Variants in CCDC50 observed in about 807,000 individuals in gnomAD.
CCDC50 encodes coiled-coil domain containing 50.
Under a neutral mutation model 70.2 loss-of-function variants are expected in CCDC50, and 54 were observed. The observed-to-expected ratio is 0.77, with a 90% confidence interval of 0.62 to 0.96. The LOEUF (loss-of-function observed/expected upper bound fraction) is 0.96, where lower values mean the gene tolerates loss of function less well. Among genes scored for constraint, CCDC50 ranks in the 50% least tolerant of loss-of-function variants. The pLI is 0.00. For synonymous variants in CCDC50, 216 were observed against 198.8 expected (o/e 1.09, Z -0.73); for missense variants, 558 against 578.7 (o/e 0.96, Z 0.37).
intron 1 of CCDC50, among the ~76,000 whole-genome samples, chr3:191,353,945 A>G (rs949394083): frequency 3.9e-5 from 6 of 152,196 alleles, no homozygotes; most frequent in Admixed American, 2.6e-4. Flanking sequence ...GACAAATTGC[A>G]ATAATAGAAT....
At chr3:191,375,944 A>G (rs1713098687) in intron 6 of CCDC50, among the ~76,000 whole-genome samples, 1 of 152,110 alleles carries the variant, frequency 6.6e-6, no homozygotes, top group South Asian at 2.1e-4. Context: ...GTTTTACTTC[A>G]GTGAACCCAG....
rs1451343178 is a variant in CCDC50 at position 191,375,058 on chromosome 3, T to G, written c.449-4T>G. On this transcript the variant is annotated splice_polypyrimidine_tract_variant and splice_region_variant and intron_variant, in intron 5 of 11. Coordinates refer to ENST00000392455, the MANE Select transcript of CCDC50 (RefSeq NM_178335.3). ...ATTTTTCACATCCCTCTGCCTCCAC[T>G]CAGACCAACCAGGGTCAAGGAGGGC... The G allele has an allele frequency of 6.2e-7, 1 of 1,613,222 alleles. No homozygotes were observed. The highest frequency in any genetic ancestry group is 1.1e-5 in the South Asian group (1 of 91,008).
In CCDC50 at chr3:191,353,350, G is replaced by A. The variant is rs1237760028; in HGVS notation, c.50-3738G>A. ...GATAGAGTTGGCTTACGGCAAGAAG[G>A]TCAGCCTGAGTTCTGAATGAGTGAA... On this transcript the variant is annotated intron_variant, in intron 1 of 11. Transcript: ENST00000392455. Among the ~76,000 whole-genome samples the A allele has an allele frequency of 1.4e-5, 2 of 141,672 alleles. 1 individual carries two copies. The highest frequency in any genetic ancestry group is 5.0e-5 in the African/African-American group (2 of 39,732). The allele number at this position is 141,672 out of a possible 152,430, so 92.9% of individuals were successfully genotyped here.
At chr3:191,338,786 T>G (rs1711610039) in intron 1 of CCDC50, among the ~76,000 whole-genome samples, 1 of 152,212 alleles carries the variant, frequency 6.6e-6, no homozygotes, top group African/African-American at 2.4e-5. Flanking sequence ...TTGATTGGTG[T>G]TGTGATTGAC....
chr3:191,333,821 G>A (rs566905753), intron 1 of CCDC50, among the ~76,000 whole-genome samples: 1 of 152,124 alleles, frequency 6.6e-6, no homozygotes, highest in South Asian at 2.1e-4. Context: ...TTTAAACTGT[G>A]TGTATCACTT....
At chr3:191,366,276 A>G (rs1264935780) in intron 4 of CCDC50, among the ~76,000 whole-genome samples, 1 of 152,214 alleles carries the variant, frequency 6.6e-6, no homozygotes, top group South Asian at 2.1e-4. Flanking sequence ...GGCCCACTGA[A>G]GGGAATCACT....
intron 10 of CCDC50, among the ~76,000 whole-genome samples, chr3:191,385,879 G>T (rs1162592057): frequency 6.6e-6 from 1 of 152,048 alleles, no homozygotes; most frequent in Admixed American, 6.6e-5. Flanking sequence ...TTTGAATAAG[G>T]TGTCCTTTCC....
chr3:191,394,576 G>GC lies in CCDC50; in HGVS notation c.*2818dup, dbSNP rs1713801103. On this transcript the variant is annotated 3_prime_UTR_variant, in exon 12 of 12. Coordinates refer to ENST00000392455, the MANE Select transcript of CCDC50 (RefSeq NM_178335.3). ...GTTGTGATGTAAACTAATACTTCTGGCCTGGGAAAACCTTTCTGTTTCTGT... is the reference window on the plus strand; with the variant it reads ...GTTGTGATGTAAACTAATACTTCTGGCCCTGGGAAAACCTTTCTGTTTCTGT... 1 of 152,092 alleles carries GC rather than the reference G, an allele frequency of 6.6e-6. No homozygotes were observed. The highest frequency in any genetic ancestry group is 1.5e-5 in the Non-Finnish European group (1 of 68,008). The allele number at this position is 152,092 out of a possible 1,614,324, so 9.4% of individuals were successfully genotyped here.
intron 9 of CCDC50, among the ~76,000 whole-genome samples, chr3:191,381,134 C>G (rs1200964997): frequency 6.6e-6 from 1 of 152,098 alleles, no homozygotes; most frequent in African/African-American, 2.4e-5. Context: ...AAAGTTACTG[C>G]TAAGATTGAA....
intron 10 of CCDC50, among the ~76,000 whole-genome samples, chr3:191,387,336 A>G (rs73185255): frequency 0.098 from 14,863 of 152,190 alleles, 799 homozygotes; most frequent in East Asian, 0.24. Context: ...TAAATTAAAG[A>G]TGTAAATGAT....
chr3:191,384,277 A>G (rs993883166), intron 10 of CCDC50, among the ~76,000 whole-genome samples: 1 of 152,144 alleles, frequency 6.6e-6, no homozygotes, highest in Non-Finnish European at 1.5e-5. Flanking sequence ...TCATTTTAGC[A>G]GGATTGTATA....
At position 191,394,053 on chromosome 3, in the gene CCDC50, C is replaced by G. The variant is rs1713781787; in HGVS notation, c.*2293C>G. ...TATTGTAAAATGTTAACTGGAGATA[C>G]TGCATTCAAAAAAAAGTCGGACCAC... On this transcript the variant is annotated 3_prime_UTR_variant, in exon 12 of 12. Coordinates refer to ENST00000392455, the MANE Select transcript of CCDC50 (RefSeq NM_178335.3). 1 of 151,942 alleles carries G rather than the reference C, an allele frequency of 6.6e-6. No individual in the cohort carries two copies. Among genetic ancestry groups the G allele is most frequent in the South Asian group, 2.1e-4 (1 of 4,822 alleles). 9.4% of individuals were successfully genotyped at this position (151,942 alleles called of 1,614,324 possible).
chr3:191,381,242 A>G (rs1032272714), intron 9 of CCDC50, among the ~76,000 whole-genome samples: 1 of 152,170 alleles, frequency 6.6e-6, no homozygotes, highest in Non-Finnish European at 1.5e-5. Flanking sequence ...ATAGAAGAAT[A>G]TAGCATTTTC....
chr3:191,380,140 T>TTG lies in CCDC50; in HGVS notation c.977-18_977-17insGT. The TTG allele has an allele frequency of 1.5e-6, 1 of 663,004 alleles. No homozygotes were observed. The allele number at this position is 663,004 out of a possible 1,614,324, so 41.1% of individuals were successfully genotyped here. ...TCCTCGGTTGTTTTATTACATTGAG[T>TTG]TTTTTTTTTTTTTTAAAGGAATGAA... On this transcript the variant is annotated intron_variant, in intron 6 of 11. Coordinates refer to ENST00000392455, the MANE Select transcript of CCDC50 (RefSeq NM_178335.3).
At chr3:191,346,762 A>T (rs1011281560) in intron 1 of CCDC50, among the ~76,000 whole-genome samples, 1 of 152,348 alleles carries the variant, frequency 6.6e-6, no homozygotes, top group Middle Eastern at 3.4e-3. Context: ...TGTGTTTTAA[A>T]ATAAAGGGAG....
chr3:191,380,100 A>T, intron 6 of CCDC50, 59 bp from the exon 7 acceptor site: 1 of 1,078,330 alleles, frequency 9.3e-7, no homozygotes, highest in African/African-American at 1.6e-5. Context: ...AAATTTCTTA[A>T]CTTTTCAGAA....
rs1298150443 is a variant in CCDC50, at chr3:191,351,300, G to A, written c.50-5788G>A. ...ATGACTAAGAAAAGAATTTTTTAAA[G>A]GCTGTTTTAGGCCTCCAAATTTGAT... On this transcript the variant is annotated intron_variant, in intron 1 of 11. Transcript: ENST00000392455. 3.5e-5 allele frequency among the ~76,000 whole-genome samples: 5 copies of A among 141,860 alleles called. No individual in the cohort carries two copies. In the East Asian group the frequency reaches 9.6e-4, roughly 27 times the overall value. 93.1% of individuals were successfully genotyped at this position (141,860 alleles called of 152,430 possible).
At chr3:191,386,482 C>T (rs1376074810) in intron 10 of CCDC50, among the ~76,000 whole-genome samples, 2 of 152,174 alleles carry the variant, frequency 1.3e-5, no homozygotes, top group Non-Finnish European at 2.9e-5. Context: ...GCCTCGGCCT[C>T]TCAAAGTGCT....
chr3:191,331,397 A>G (rs938650770), intron 1 of CCDC50, among the ~76,000 whole-genome samples: 3 of 152,210 alleles, frequency 2.0e-5, no homozygotes, highest in Non-Finnish European at 4.4e-5. Flanking sequence ...TTATTTCTCA[A>G]GGAGTTCCAC....
Sources: gnomAD v4.1 joint callset for allele counts (sites outside exome capture counted in the v4.1 genomes callset) on GRCh38, gnomAD v4.1.1 for gene constraint, MANE v1.5 for transcripts, NCBI Gene and HGNC (gene_info 2026-07-23, HGNC 2026-07-21) for gene names.